Variants in TFCP2L1 observed in about 807,000 individuals in gnomAD.
The protein encoded by TFCP2L1 is transcription factor CP2-like protein 1.
A neutral mutation model predicts 72.2 loss-of-function variants in TFCP2L1; 12 were observed. The observed-to-expected ratio is 0.17, with a 90% CI of 0.11 to 0.27. The LOEUF is 0.27. Ranked by LOEUF, TFCP2L1 falls within the 10% of genes least tolerant of loss-of-function variation. The pLI is 1.00. For missense variants in TFCP2L1, 488 were observed against 624.6 expected (o/e 0.78, Z 2.33); for synonymous variants, 260 against 251.0 (o/e 1.04, Z -0.34).
chr2:121,233,340 C>A (rs1020314274), intron 12 of TFCP2L1, among the ~76,000 whole-genome samples: 4 of 152,122 alleles, frequency 2.6e-5, no homozygotes, highest in Non-Finnish European at 4.4e-5. Flanking sequence ...ACAGGTGTGA[C>A]CATGCATGGC....
Position 121,221,121 on chromosome 2 carries a change from T to A in TFCP2L1, c.*3220A>T, listed in dbSNP as rs914512999. 4 of 152,168 alleles carry A rather than the reference T, an allele frequency of 2.6e-5. No individual in the cohort carries two copies. Among genetic ancestry groups the A allele is most frequent in the African/African-American group, 9.7e-5 (4 of 41,446 alleles). 9.4% of individuals were successfully genotyped at this position (152,168 alleles called of 1,614,324 possible). A position where few individuals can be genotyped will look rare whatever the true frequency, so the allele number is the denominator to read the frequency against. The stretch of plus-strand genomic sequence containing the variant: ...CCTAAGGGGCTGGACCTCAGAAGAC[T>A]AAAGGTCTAGTCCTGGTCCTTCCAC... On this transcript the variant is annotated 3_prime_UTR_variant, in exon 15 of 15. Transcript: ENST00000263707.
At chr2:121,275,152 A>G (rs898159385) in intron 2 of TFCP2L1, among the ~76,000 whole-genome samples, 2 of 152,120 alleles carry the variant, frequency 1.3e-5, no homozygotes, top group Non-Finnish European at 2.9e-5. Context: ...TGGGAGGCCA[A>G]GGCAGGTGGA....
At chr2:121,259,885 A>G (rs1490581826) in intron 2 of TFCP2L1, among the ~76,000 whole-genome samples, 1 of 152,224 alleles carries the variant, frequency 6.6e-6, no homozygotes, top group Non-Finnish European at 1.5e-5. Context: ...TTTGAAAAAT[A>G]CAAAACAAAG....
At chr2:121,250,343 CTG>C (rs1475217017) in intron 2 of TFCP2L1, among the ~76,000 whole-genome samples, 2 of 130,784 alleles carry the variant, frequency 1.5e-5, no homozygotes. Context: ...TCCCAGAAGA[CTG>C]TTATATATAT....
At chr2:121,283,491 G>A (rs1687305552) in intron 1 of TFCP2L1, among the ~76,000 whole-genome samples, 2 of 152,260 alleles carry the variant, frequency 1.3e-5, no homozygotes, top group South Asian at 4.2e-4. Flanking sequence ...GACCCCAGAA[G>A]CCAATATGGC....
intron 2 of TFCP2L1, among the ~76,000 whole-genome samples, chr2:121,250,770 C>A (rs1012362574): frequency 2.0e-5 from 3 of 151,484 alleles, no homozygotes; most frequent in Non-Finnish European, 2.9e-5. Context: ...CCACGCCCAG[C>A]TAATTTTTGT....
intron 14 of TFCP2L1, among the ~76,000 whole-genome samples, chr2:121,224,829 A>G (rs1417817282): frequency 1.3e-5 from 2 of 152,142 alleles, no homozygotes; most frequent in Non-Finnish European, 2.9e-5. Context: ...AAAAAAATAC[A>G]AAAAAATTAG....
intron 2 of TFCP2L1, among the ~76,000 whole-genome samples, chr2:121,276,018 C>T (rs1266337260): frequency 6.6e-6 from 1 of 152,192 alleles, no homozygotes; most frequent in Non-Finnish European, 1.5e-5. Flanking sequence ...GCAAGAACAT[C>T]AGCAGCACAG....
intron 4 of TFCP2L1, 131 bp downstream of exon 4, chr2:121,248,851 G>T: frequency 1.8e-6 from 1 of 570,132 alleles, no homozygotes; most frequent in Non-Finnish European, 2.9e-6. Context: ...GCAAGCTCCC[G>T]CGGGGTTTTA....
chr2:121,231,854 G>C lies in TFCP2L1; in HGVS notation c.1313C>G (p.Thr438Arg). 1 of 1,613,224 alleles carries C rather than the reference G, an allele frequency of 6.2e-7. No homozygotes were observed. Among genetic ancestry groups the C allele is most frequent in the South Asian group, 1.1e-5 (1 of 90,990 alleles). The part of the protein sequence containing the change: ...HIHRVYRQGP[T>R]GIHVVVSNEM... ...GTTGCTCACCACCACATGGATGCCC[G>C]TGGGGCCCTGCCGGTAGACTCGGTG... The change falls in exon 13 of 15, where the codon ACG becomes AGG. Residue 438 changes from threonine (T) to arginine (R), a missense_variant. Physicochemically the swap from Thr to Arg is moderately conservative, Grantham distance 71. Transcript: ENST00000263707.
chr2:121,268,535 T>C (rs1045555208), intron 2 of TFCP2L1, among the ~76,000 whole-genome samples: 1 of 152,046 alleles, frequency 6.6e-6, no homozygotes, highest in Non-Finnish European at 1.5e-5. Flanking sequence ...TTCTAAATTT[T>C]ATATGGCCAA....
chr2:121,278,544 G>A (rs1480565428), intron 2 of TFCP2L1, among the ~76,000 whole-genome samples: 1 of 150,534 alleles, frequency 6.6e-6, no homozygotes, highest in East Asian at 2.0e-4. Flanking sequence ...AAATTAGGTG[G>A]GCGTGGTGGC....
At chr2:121,239,754 C>G (rs11692478) in intron 7 of TFCP2L1, 105 bp from the exon 8 acceptor site, 175,057 of 1,120,572 alleles carry the variant, frequency 0.16, 15,869 homozygotes, top group African/African-American at 0.35. Flanking sequence ...ATGAGACCCC[C>G]ACCTGTGAAA....
rs941842600 is a variant in TFCP2L1 at position 121,285,175 on chromosome 2, C to A, written c.-66G>T. On this transcript the variant is annotated 5_prime_UTR_variant, in exon 1 of 15. Coordinates refer to ENST00000263707, the MANE Select transcript of TFCP2L1 (RefSeq NM_014553.3). ...GCGCAGACGCGGGGCGCGCCGAGGA[C>A]CCAGCGGCGGCTTCGCGCTCCGAAC... is the stretch of plus-strand genomic sequence containing the variant. 1.5e-6 allele frequency: 2 copies of A among 1,324,810 alleles called. No homozygotes were observed. The highest frequency in any genetic ancestry group is 1.9e-6 in the Non-Finnish European group (2 of 1,030,074). The allele number at this position is 1,324,810 out of a possible 1,614,324, so 82.1% of individuals were successfully genotyped here.
rs554374518 is a variant in TFCP2L1, at chr2:121,272,374, T to C, written c.214+8746A>G. On this transcript the variant is annotated intron_variant, in intron 2 of 14. Transcript: ENST00000263707. ...GTAATACAAACCCTCCTTAACATGA[T>C]AGTTTACGGCATTTAGGAGTTCAGT... is the stretch of plus-strand genomic sequence containing the variant. 9.8e-5 allele frequency among the ~76,000 whole-genome samples: 15 copies of C among 152,352 alleles called. No individual in the cohort carries two copies. In the South Asian group the frequency reaches 2.3e-3, roughly 23 times the overall value.
At chr2:121,269,254 G>C (rs988597742) in intron 2 of TFCP2L1, among the ~76,000 whole-genome samples, 7 of 151,928 alleles carry the variant, frequency 4.6e-5, no homozygotes, top group Non-Finnish European at 8.8e-5. Flanking sequence ...TTCGAGACCA[G>C]CCTGGGCAAC....
chr2:121,275,596 G>GGTCTCGT (rs1687132077), intron 2 of TFCP2L1, among the ~76,000 whole-genome samples: 1 of 145,482 alleles, frequency 6.9e-6, no homozygotes, highest in Admixed American at 6.8e-5. Context: ...TTTGAGACAG[G>GGTCTCGT]GTCTCGTTCT....
Position 121,224,272 on chromosome 2 carries a change from G to A in TFCP2L1, c.*69C>T, listed in dbSNP as rs1190853918. The stretch of plus-strand genomic sequence containing the variant: ...CCTGGTGAGGCCACAGCTTACAGTG[G>A]GGCAATGTCTACATCCACGGGGATC... On this transcript the variant is annotated 3_prime_UTR_variant, in exon 15 of 15. Transcript: ENST00000263707. 50 of 1,575,272 alleles carry A rather than the reference G, an allele frequency of 3.2e-5. 1 individual carries two copies. Among genetic ancestry groups the A allele is most frequent in the East Asian group, 4.5e-5 (2 of 44,642 alleles).
At chr2:121,262,094 CTGTT>C (rs1038228786) in intron 2 of TFCP2L1, among the ~76,000 whole-genome samples, 11 of 152,134 alleles carry the variant, frequency 7.2e-5, no homozygotes, top group Non-Finnish European at 1.2e-4. Context: ...GGCAGGAGGA[CTGTT>C]TGAGCTCTGG....
Sources: gnomAD v4.1 joint callset for allele counts (sites outside exome capture counted in the v4.1 genomes callset) on GRCh38, gnomAD v4.1.1 for gene constraint, MANE v1.5 for transcripts, NCBI Gene and HGNC (gene_info 2026-07-23, HGNC 2026-07-21) for gene names.